The following PDE4D variants were observed in gnomAD, a reference collection of about 807,000 sequenced individuals.
PDE4D encodes phosphodiesterase 4D.
PDE4D carries 24 observed loss-of-function variants against 87.4 expected under a neutral mutation model. The ratio of observed to expected loss-of-function variants is 0.27; its 90% CI spans 0.20 to 0.39. The LOEUF (loss-of-function observed/expected upper bound fraction) is 0.39, where lower values mean the gene tolerates loss of function less well. Ranked by LOEUF, PDE4D falls within the 10% of genes least tolerant of loss-of-function variation. The pLI is 1.00. For synonymous variants in PDE4D, 384 were observed against 383.2 expected (o/e 1.00, Z -0.02); for missense variants, 714 against 1,041.0 (o/e 0.69, Z 4.32).
chr5:59,506,446 A>G (rs537564345), intron 1 of PDE4D, among the ~76,000 whole-genome samples: 5 of 152,300 alleles, frequency 3.3e-5, no homozygotes, highest in African/African-American at 1.2e-4. Context: ...AAAATTATGC[A>G]TAATCAACAG....
intron 5 of PDE4D, among the ~76,000 whole-genome samples, chr5:59,071,909 G>A (rs1250703864): frequency 1.3e-5 from 2 of 151,726 alleles, no homozygotes; most frequent in Non-Finnish European, 2.9e-5. Context: ...GGCTGGTCTC[G>A]AACTCCTGAC....
At chr5:59,265,264 T>C (rs748716771) in intron 1 of PDE4D, among the ~76,000 whole-genome samples, 69 of 152,000 alleles carry the variant, frequency 4.5e-4, no homozygotes, top group Non-Finnish European at 7.5e-4. Context: ...AGGGTTCTCA[T>C]TGAGTTTTAA....
chr5:60,185,526 T>C, intron 2 of PDE4D: 1 of 1,449,342 alleles, frequency 6.9e-7, no homozygotes, highest in Non-Finnish European at 9.4e-7. Context: ...TACATGTGTT[T>C]AGAAAATAGA....
chr5:59,694,613 A>T (rs1266215329), intron 1 of PDE4D, among the ~76,000 whole-genome samples: 1 of 152,194 alleles, frequency 6.6e-6, no homozygotes, highest in East Asian at 1.9e-4. Flanking sequence ...GAGACTATTA[A>T]GAGACTCCTG....
chr5:59,000,216 A>C (rs183149428), intron 6 of PDE4D, among the ~76,000 whole-genome samples: 4 of 152,330 alleles, frequency 2.6e-5, no homozygotes, highest in African/African-American at 9.6e-5. Flanking sequence ...CAAAATTCGT[A>C]GTTCATTCTT....
chr5:59,432,256 T>C (rs1796211444), intron 1 of PDE4D, among the ~76,000 whole-genome samples: 1 of 137,568 alleles, frequency 7.3e-6, no homozygotes, highest in African/African-American at 3.2e-5. Context: ...ATACTATGTA[T>C]AATCCTTTAT....
chr5:59,589,641 T>C (rs1825647838), intron 1 of PDE4D, among the ~76,000 whole-genome samples: 1 of 152,222 alleles, frequency 6.6e-6, no homozygotes, highest in South Asian at 2.1e-4. Flanking sequence ...TTCTACTCTG[T>C]TCATATGTCA....
chr5:59,664,722 G>A (rs963087044), intron 1 of PDE4D, among the ~76,000 whole-genome samples: 15 of 152,072 alleles, frequency 9.9e-5, no homozygotes, highest in Admixed American at 1.3e-4. Flanking sequence ...AATATTTAAG[G>A]ACAGAGAGAA....
At chr5:59,836,615 G>GATCTATCT (rs1357904106) in intron 1 of PDE4D, among the ~76,000 whole-genome samples, 5 of 102,472 alleles carry the variant, frequency 4.9e-5, no homozygotes, top group Admixed American at 3.9e-4. Flanking sequence ...CCACTTCCAA[G>GATCTATCT]ATGTATCTAT....
intron 2 of PDE4D, among the ~76,000 whole-genome samples, chr5:60,066,928 A>G (rs973954053): frequency 6.6e-6 from 1 of 152,152 alleles, no homozygotes; most frequent in Non-Finnish European, 1.5e-5. Flanking sequence ...GTCACCATCT[A>G]TAAGTTTTTC....
chr5:59,354,113 A>G (rs1354005905), intron 1 of PDE4D, among the ~76,000 whole-genome samples: 4 of 152,144 alleles, frequency 2.6e-5, no homozygotes, highest in Admixed American at 6.6e-5. Flanking sequence ...TTATCCATTC[A>G]ATAGCCAAAG....
At chr5:60,174,817 C>T (rs1156956006) in intron 2 of PDE4D, among the ~76,000 whole-genome samples, 1 of 151,918 alleles carries the variant, frequency 6.6e-6, no homozygotes, top group East Asian at 1.9e-4. Context: ...TTATCATTCC[C>T]TCCCTCTGGT....
chr5:59,672,950 G>C (rs149017753), intron 1 of PDE4D, among the ~76,000 whole-genome samples: 17 of 152,234 alleles, frequency 1.1e-4, no homozygotes, highest in African/African-American at 4.1e-4. Context: ...GTATGAAACA[G>C]CTACATCCAT....
rs548347335 is a variant in PDE4D at position 59,827,431 on chromosome 5, T to C, written c.455+65737A>G. Among the ~76,000 whole-genome samples the C allele has an allele frequency of 7.0e-4, 106 of 152,296 alleles. 1 individual carries two copies. In the South Asian group the frequency reaches 0.021, roughly 30 times the overall value. ...TGTGTCTTTATCTGATCACAGATAC[T>C]AAAATTAATCTTCAATCATCTTCAG... On this transcript the variant is annotated intron_variant, in intron 1 of 14. Transcript: ENST00000340635.
chr5:59,706,723 T>C (rs900307602), intron 1 of PDE4D, among the ~76,000 whole-genome samples: 1 of 152,142 alleles, frequency 6.6e-6, no homozygotes, highest in Admixed American at 6.6e-5. Flanking sequence ...TTCAATATGG[T>C]GGAGCTAGTG....
At chr5:59,771,434 AAAG>A (rs1763437173) in intron 1 of PDE4D, among the ~76,000 whole-genome samples, 2 of 66,488 alleles carry the variant, frequency 3.0e-5, no homozygotes, top group South Asian at 5.1e-4. Context: ...AGAAAAAGAA[AAAG>A]AAAGAAAGAA....
At chr5:59,016,496 C>T (rs1754043196) in intron 6 of PDE4D, among the ~76,000 whole-genome samples, 2 of 149,664 alleles carry the variant, frequency 1.3e-5, no homozygotes, top group South Asian at 2.1e-4. Context: ...TTGTCTAAGA[C>T]AGCATTTCCT....
At chr5:59,324,067 C>T (rs554133084) in intron 1 of PDE4D, among the ~76,000 whole-genome samples, 57 of 152,204 alleles carry the variant, frequency 3.7e-4, no homozygotes, top group African/African-American at 1.3e-3. Context: ...TCTCTCCTTC[C>T]ACCACCCTTT....
chr5:60,142,499 T>C (rs1780621486), intron 2 of PDE4D, among the ~76,000 whole-genome samples: 1 of 152,184 alleles, frequency 6.6e-6, no homozygotes, highest in Non-Finnish European at 1.5e-5. Context: ...AACTCTGTAG[T>C]TCAGGGCTTT....
Sources: allele counts gnomAD v4.1 joint callset (sites outside exome capture counted in the v4.1 genomes callset), GRCh38; gene constraint gnomAD v4.1.1; transcripts MANE v1.5; gene names NCBI Gene and HGNC (gene_info 2026-07-23, HGNC 2026-07-21).